The following WHRN variants were observed in gnomAD, a reference collection of about 807,000 sequenced individuals.
WHRN encodes the protein CASK-interacting protein CIP98.
Under a neutral mutation model 68.3 loss-of-function variants are expected in WHRN, and 41 were observed. That is an observed-to-expected ratio of 0.60 (90% CI 0.47 to 0.78). The LOEUF (loss-of-function observed/expected upper bound fraction) is 0.78, where lower values mean the gene tolerates loss of function less well. WHRN is among the 30% of genes least tolerant of loss of function. The pLI is 0.00. For synonymous variants in WHRN, 560 were observed against 561.3 expected, an observed-to-expected ratio of 1.00 and a Z score of 0.03; for missense variants, 1,243 against 1,244.7, an observed-to-expected ratio of 1.00 and a Z score of 0.02.
In WHRN at chr9:114,426,374, G is replaced by C. The variant is rs768302570; in HGVS notation, c.1003C>G (p.Leu335Val). The C allele has an allele frequency of 6.2e-7, 1 of 1,613,664 alleles. No homozygotes were observed. Among genetic ancestry groups the C allele is most frequent in the Non-Finnish European group, 8.5e-7 (1 of 1,179,972 alleles). ...QILEVNGRSFLNILHDEAVRL... is the reference protein window; with the variant it reads ...QILEVNGRSFVNILHDEAVRL... ...ACAGCCTCGTCGTGTAGGATGTTGA[G>C]AAAGCTCCGCCCATTCACTTCTAGA... The change falls in exon 4 of 12, where the codon CTC becomes GTC. Residue 335 changes from leucine to valine, a missense_variant. Coordinates refer to ENST00000362057, the MANE Select transcript of WHRN (RefSeq NM_015404.4).
chr9:114,408,929 G>A (rs10982203), intron 7 of WHRN, among the ~76,000 whole-genome samples: 30,567 of 152,132 alleles, frequency 0.2, 3,569 homozygotes, highest in East Asian at 0.33. Flanking sequence ...AAATTTGCGC[G>A]CTCTTCTAGA....
At chr9:114,479,223 T>C (rs1841908273) in intron 1 of WHRN, among the ~76,000 whole-genome samples, 1 of 152,182 alleles carries the variant, frequency 6.6e-6, no homozygotes, top group Admixed American at 6.5e-5. Flanking sequence ...TGGGTACAAG[T>C]AGACAGGGTC....
intron 3 of WHRN, among the ~76,000 whole-genome samples, chr9:114,429,178 G>A (rs948019125): frequency 6.6e-6 from 1 of 152,168 alleles, no homozygotes; most frequent in African/African-American, 2.4e-5. Flanking sequence ...CGATCCACGC[G>A]GCTTGGCCTC....
chr9:114,429,509 T>C (rs1032693574), intron 3 of WHRN, among the ~76,000 whole-genome samples: 2 of 152,232 alleles, frequency 1.3e-5, no homozygotes, highest in Non-Finnish European at 2.9e-5. Flanking sequence ...AGCATCTCAA[T>C]GCCACATGCT....
At chr9:114,426,518 G>C in intron 3 of WHRN, 105 bp from the exon 4 acceptor site, 1 of 1,350,474 alleles carries the variant, frequency 7.4e-7, no homozygotes, top group Non-Finnish European at 1.0e-6. Flanking sequence ...GCCTGTCAAG[G>C]AGGTCATCCA....
At chr9:114,489,090 C>T (rs1232292018) in intron 1 of WHRN, among the ~76,000 whole-genome samples, 3 of 152,170 alleles carry the variant, frequency 2.0e-5, no homozygotes, top group Admixed American at 2.0e-4. Flanking sequence ...CAGGCCTTTG[C>T]ACGTGATGCT....
chr9:114,405,224 AC>A (rs1173495367), intron 9 of WHRN, among the ~76,000 whole-genome samples: 1 of 151,780 alleles, frequency 6.6e-6, no homozygotes, highest in African/African-American at 2.4e-5. Context: ...ACAGGTGCCC[AC>A]CACACCTGGC....
intron 1 of WHRN, among the ~76,000 whole-genome samples, chr9:114,493,913 C>T (rs938507022): frequency 2.6e-5 from 4 of 152,230 alleles, no homozygotes; most frequent in African/African-American, 9.7e-5. Flanking sequence ...CTGCTCTTGC[C>T]AGCACCACGC....
intron 3 of WHRN, among the ~76,000 whole-genome samples, chr9:114,446,495 A>G (rs139719239): frequency 1.7e-4 from 26 of 152,344 alleles, no homozygotes; most frequent in African/African-American, 5.5e-4. Context: ...TGAATTTTAT[A>G]GCATATGAAT....
At chr9:114,439,448 G>T (rs1163225233) in intron 3 of WHRN, among the ~76,000 whole-genome samples, 1 of 152,204 alleles carries the variant, frequency 6.6e-6, no homozygotes, top group Non-Finnish European at 1.5e-5. Flanking sequence ...TTTGTGTCTT[G>T]TAAAATTGGG....
chr9:114,407,022 T>C, intron 8 of WHRN, 130 bp from the exon 9 acceptor site: 1 of 1,019,782 alleles, frequency 9.8e-7, no homozygotes, highest in Non-Finnish European at 1.5e-6. Context: ...TTGGCCACAC[T>C]GCTCTGAATA....
rs1000741309 is a variant in WHRN, at chr9:114,472,956, CG to C, written c.837+5596del. On this transcript the variant is annotated intron_variant, in intron 2 of 11. Transcript: ENST00000362057. ...TGGCTTGCCCAAGGTCACACAGTCA[CG>C]AAGTTTCAAAAACAAGCTTCAAACC... Among the ~76,000 whole-genome samples the C allele has an allele frequency of 1.6e-4, 25 of 152,206 alleles. 2 individuals carry two copies.
intron 2 of WHRN, among the ~76,000 whole-genome samples, chr9:114,473,549 G>GT (rs1313305790): frequency 6.6e-6 from 1 of 152,198 alleles, no homozygotes; most frequent in Non-Finnish European, 1.5e-5. Flanking sequence ...GACACTATCT[G>GT]TAAGTATTTT....
chr9:114,460,107 C>T (rs1840121529), intron 3 of WHRN, among the ~76,000 whole-genome samples: 2 of 152,320 alleles, frequency 1.3e-5, no homozygotes, highest in Non-Finnish European at 2.9e-5. Context: ...CAGGCAAGAT[C>T]CAGGAACCAC....
chr9:114,414,506 G>A (rs1165949980), intron 7 of WHRN, among the ~76,000 whole-genome samples: 1 of 152,222 alleles, frequency 6.6e-6, no homozygotes, highest in African/African-American at 2.4e-5. Context: ...TCAGTGCTTT[G>A]TCCAAGTTCC....
chr9:114,455,267 G>A (rs1256347246), intron 3 of WHRN, among the ~76,000 whole-genome samples: 1 of 152,124 alleles, frequency 6.6e-6, no homozygotes, highest in African/African-American at 2.4e-5. Flanking sequence ...TGCCCAGGCT[G>A]GAGTGCAGCA....
At chr9:114,441,972 C>T (rs1589144561) in intron 3 of WHRN, among the ~76,000 whole-genome samples, 1 of 152,210 alleles carries the variant, frequency 6.6e-6, no homozygotes, top group East Asian at 1.9e-4. Context: ...GACAAACTAA[C>T]ATCACGGGAC....
At chr9:114,486,905 T>TGTGTGG (rs773577617) in intron 1 of WHRN, among the ~76,000 whole-genome samples, 1 of 99,542 alleles carries the variant, frequency 1.0e-5, no homozygotes, top group African/African-American at 6.1e-5. Context: ...TGTGTGTGTG[T>TGTGTGG]AGAGTGTGTG....
intron 7 of WHRN, among the ~76,000 whole-genome samples, chr9:114,420,980 C>T (rs1012155559): frequency 6.6e-6 from 1 of 152,044 alleles, no homozygotes; most frequent in African/African-American, 2.4e-5. Flanking sequence ...AGAATCACTT[C>T]CAGGGGCTCA....
Sources: gnomAD v4.1 joint callset for allele counts (sites outside exome capture counted in the v4.1 genomes callset) on GRCh38, gnomAD v4.1.1 for gene constraint, MANE v1.5 for transcripts, NCBI Gene and HGNC (gene_info 2026-07-23, HGNC 2026-07-21) for gene names.